The following WDR73 variants were observed in gnomAD, a reference collection of about 807,000 sequenced individuals.
WDR73 encodes integrator complex assembly factor WDR73.
Under a neutral mutation model 38.2 loss-of-function variants are expected in WDR73, and 30 were observed. The observed-to-expected ratio is 0.79, with a 90% confidence interval of 0.59 to 1.06. The LOEUF (loss-of-function observed/expected upper bound fraction) is 1.06, where lower values mean the gene tolerates loss of function less well. Ranked by LOEUF, WDR73 falls within the 50% of genes least tolerant of loss-of-function variation. WDR73 has a pLI of 0.00. For synonymous variants in WDR73, 197 were observed against 176.0 expected, an observed-to-expected ratio of 1.12 and a Z score of -0.94; for missense variants, 487 against 467.0, an observed-to-expected ratio of 1.04 and a Z score of -0.40.
At chr15:84,646,445 A>G (rs929068129) in intron 5 of WDR73, 97 bp from the exon 6 acceptor site, 46 of 1,497,102 alleles carry the variant, frequency 3.1e-5, no homozygotes, top group Non-Finnish European at 3.9e-5. Context: ...TAGAAGATCA[A>G]GGAAGAAAAG....
At position 84,642,373 on chromosome 15, in the gene WDR73, A is replaced by G. The variant is rs1165797389; in HGVS notation, c.*1097T>C. On this transcript the variant is annotated 3_prime_UTR_variant, in exon 8 of 8. Transcript: ENST00000434634. ...AAAAAAAAAAAAAAAAAATTCAACC[A>G]CCTTAGGAAGCCTCTCATTTATGTA... 1.3e-5 allele frequency: 2 copies of G among 150,652 alleles called. No individual in the cohort carries two copies. Among genetic ancestry groups the G allele is most frequent in the Non-Finnish European group, 1.5e-5 (1 of 67,712 alleles). 9.3% of individuals were successfully genotyped at this position (150,652 alleles called of 1,614,324 possible). A position where few individuals can be genotyped will look rare whatever the true frequency, so the allele number is the denominator to read the frequency against.
chr15:84,653,524 T>A (rs1190452643), intron 2 of WDR73, 108 bp downstream of exon 2: 1 of 738,362 alleles, frequency 1.4e-6, no homozygotes, highest in Admixed American at 2.2e-5. Context: ...TTGCTACAAG[T>A]GACTCTCAGG....
Position 84,642,813 on chromosome 15 carries a change from C to G in WDR73, c.*657G>C, listed in dbSNP as rs1896305358. The G allele has an allele frequency of 6.6e-6, 1 of 151,270 alleles. No individual in the cohort carries two copies. Among genetic ancestry groups the G allele is most frequent in the African/African-American group, 2.4e-5 (1 of 41,034 alleles). The allele number at this position is 151,270 out of a possible 1,614,324, so 9.4% of individuals were successfully genotyped here. On this transcript the variant is annotated 3_prime_UTR_variant, in exon 8 of 8. Transcript: ENST00000434634. ...AAGGGATCTTGCTATGTTGCCCAGGCTGGTCTCAAACTCCTCAGCTCAAGC... is the reference window on the plus strand; with the variant it reads ...AAGGGATCTTGCTATGTTGCCCAGGGTGGTCTCAAACTCCTCAGCTCAAGC...
chr15:84,650,073 C>T (rs1241517059), intron 3 of WDR73, among the ~76,000 whole-genome samples: 3 of 152,196 alleles, frequency 2.0e-5, no homozygotes, highest in Non-Finnish European at 4.4e-5. Flanking sequence ...TGGGATCTAG[C>T]CTCTCCCAGG....
At chr15:84,653,544 G>A in intron 2 of WDR73, 88 bp downstream of exon 2, 1 of 933,376 alleles carries the variant, frequency 1.1e-6, no homozygotes. Context: ...GTGCCCAGAA[G>A]AGTGGGTTGG....
intron 4 of WDR73, chr15:84,648,285 T>A: frequency 1.7e-6 from 1 of 585,910 alleles, no homozygotes; most frequent in Non-Finnish European, 3.0e-6. Context: ...CTGTCCCGTA[T>A]CTATTCCCTG....
At chr15:84,645,435 G>A in intron 7 of WDR73, 36 bp downstream of exon 7, 1 of 1,607,944 alleles carries the variant, frequency 6.2e-7, no homozygotes, top group East Asian at 2.2e-5. Context: ...GGAAGAAAGA[G>A]ATCAGATAAC....
At position 84,649,404 on chromosome 15, in the gene WDR73, C is replaced by T. The variant is rs73449335; in HGVS notation, c.199-779G>A. On this transcript the variant is annotated intron_variant, in intron 3 of 7. Transcript: ENST00000434634. ...GACTGGAGATGGGGAAGATGAAGAA[C>T]ACTAGGTGCTACCCTATAGCTTCTG... Among the ~76,000 whole-genome samples, 1,190 of 152,120 alleles carry T rather than the reference C, an allele frequency of 7.8e-3. 16 individuals carry two copies. Among genetic ancestry groups the T allele is most frequent in the African/African-American group, 0.028 (1,145 of 41,508 alleles).
intron 3 of WDR73, among the ~76,000 whole-genome samples, chr15:84,651,219 G>A (rs1409837107): frequency 2.0e-5 from 3 of 152,046 alleles, no homozygotes; most frequent in African/African-American, 4.8e-5. Flanking sequence ...GAAGCCAAGC[G>A]TTCGAGACCA....
intron 3 of WDR73, among the ~76,000 whole-genome samples, 156 bp downstream of exon 3, chr15:84,652,558 G>A (rs1596056415): frequency 6.6e-6 from 1 of 152,250 alleles, no homozygotes; most frequent in East Asian, 1.9e-4. Flanking sequence ...ATTTATCTCT[G>A]TGCATATGTG....
intron 5 of WDR73, 136 bp from the exon 6 acceptor site, chr15:84,646,484 G>T: frequency 7.7e-7 from 1 of 1,292,390 alleles, no homozygotes. Context: ...AGATGATGTT[G>T]AGACATAACT....
chr15:84,643,649 G>A lies in WDR73; in HGVS notation c.958C>T (p.Gln320Ter). ...GTRSQDGTRS[Q>*]VEPLFTHRGH... ...CTGTGAGTGAAGAGAGGTTCTACTT[G>A]GCTCCGTGTTCCATCTTGGCTCCGT... is the stretch of plus-strand genomic sequence containing the variant. The change falls in exon 8 of 8, where the codon CAA (glutamine) becomes TAA (stop). Residue 320 changes from glutamine (Q) to a stop codon, truncating the protein, a stop_gained. Coordinates refer to ENST00000434634, the MANE Select transcript of WDR73 (RefSeq NM_032856.5). LOFTEE classifies it high-confidence loss of function. 9.4e-7 allele frequency: 1 copy of A among 1,068,588 alleles called. No homozygotes were observed. Among genetic ancestry groups the A allele is most frequent in the Non-Finnish European group, 1.3e-6 (1 of 763,368 alleles). The allele number at this position is 1,068,588 out of a possible 1,614,324, so 66.2% of individuals were successfully genotyped here. A position where few individuals can be genotyped will look rare whatever the true frequency, so the allele number is the denominator to read the frequency against.
chr15:84,645,326 A>C, intron 7 of WDR73, 145 bp downstream of exon 7: 8 of 1,528,940 alleles, frequency 5.2e-6, no homozygotes, highest in Non-Finnish European at 7.0e-6. Context: ...GCCACTGAAG[A>C]ACCTGGAGAG....
intron 7 of WDR73, chr15:84,644,273 A>C (rs1407288810): frequency 6.4e-6 from 1 of 155,050 alleles, no homozygotes; most frequent in East Asian, 1.9e-4. Context: ...TGGGGGAAAC[A>C]GAAGCCTTTG....
Position 84,652,709 on chromosome 15 carries a change from G to A in WDR73, c.198+5C>T. The A allele has an allele frequency of 3.4e-6, 5 of 1,462,428 alleles. No homozygotes were observed. Among genetic ancestry groups the A allele is most frequent in the Non-Finnish European group, 4.6e-6 (5 of 1,088,524 alleles). 90.6% of individuals were successfully genotyped at this position (1,462,428 alleles called of 1,614,324 possible). A position where few individuals can be genotyped will look rare whatever the true frequency, so the allele number is the denominator to read the frequency against. Reference sequence around the variant, plus strand: ...GACATACTCAGCATTTATATTTTAAGTTACCTTGTTTTCCTTTACAGAAAG... The same window carrying A: ...GACATACTCAGCATTTATATTTTAAATTACCTTGTTTTCCTTTACAGAAAG... On this transcript the variant is annotated splice_donor_5th_base_variant and intron_variant, in intron 3 of 7. Transcript: ENST00000434634.
At position 84,641,123 on chromosome 15, in the gene WDR73, C is replaced by T. The variant is rs139824754; in HGVS notation, c.*2347G>A. On this transcript the variant is annotated 3_prime_UTR_variant, in exon 8 of 8. Transcript: ENST00000434634. ...TGGGAGCAGAAAGTGAATTTCAGAA[C>T]TCCATGTCCCCTCCTGCTTTTCTCT... is the stretch of plus-strand genomic sequence containing the variant. 8 of 150,958 alleles carry T rather than the reference C, an allele frequency of 5.3e-5. No individual in the cohort carries two copies. In the East Asian group the frequency reaches 1.3e-3, roughly 25 times the overall value. The allele number at this position is 150,958 out of a possible 1,614,324, so 9.4% of individuals were successfully genotyped here.
rs541334510 is a variant in WDR73 at position 84,639,565 on chromosome 15, A to G, written c.*3905T>C. On this transcript the variant is annotated 3_prime_UTR_variant, in exon 8 of 8. Transcript: ENST00000434634. ...CACGTGGAGTAGGATGAAAACCCAC[A>G]GCATCTAGATCTTCAAATTCTGGAG... 1 of 152,334 alleles carries G rather than the reference A, an allele frequency of 6.6e-6. No individual in the cohort carries two copies. Among genetic ancestry groups the G allele is most frequent in the African/African-American group, 2.4e-5 (1 of 41,568 alleles). The allele number at this position is 152,334 out of a possible 1,614,324, so 9.4% of individuals were successfully genotyped here.
In WDR73 at chr15:84,643,322, G is replaced by A; in HGVS notation, c.*148C>T. On this transcript the variant is annotated 3_prime_UTR_variant, in exon 8 of 8. Transcript: ENST00000434634. The stretch of plus-strand genomic sequence containing the variant: ...TTACTATCCTCATTTTACAGATAAG[G>A]AAACTGAGGCTAAGTGACGCTGGCA... The A allele has an allele frequency of 1.1e-6, 1 of 929,922 alleles. No individual in the cohort carries two copies. The allele number at this position is 929,922 out of a possible 1,614,324, so 57.6% of individuals were successfully genotyped here.
chr15:84,652,882 T>A, intron 2 of WDR73, 80 bp from the exon 3 acceptor site: 9 of 819,716 alleles, frequency 1.1e-5, no homozygotes. Flanking sequence ...TAAGGATACA[T>A]TCCTTCACTG....
Sources: gnomAD v4.1 joint callset for allele counts (sites outside exome capture counted in the v4.1 genomes callset) on GRCh38, gnomAD v4.1.1 for gene constraint, MANE v1.5 for transcripts, NCBI Gene and HGNC (gene_info 2026-07-23, HGNC 2026-07-21) for gene names.